ADGRB3: variants seen among roughly 807,000 people sequenced by gnomAD.
ADGRB3 encodes brain-specific angiogenesis inhibitor 3.
In ADGRB3, 37 loss-of-function variants were observed where a neutral mutation model predicts 193.4. The observed-to-expected ratio is 0.19, with a 90% CI of 0.15 to 0.25. ADGRB3 has a LOEUF of 0.25. Among genes scored for constraint, ADGRB3 ranks in the 10% least tolerant of loss-of-function variants. The pLI is 1.00. For missense variants in ADGRB3, 1,637 were observed against 1,852.9 expected (o/e 0.88, Z 2.14); for synonymous variants, 690 against 644.2 (o/e 1.07, Z -1.08).
chr6:69,154,263 A>T (rs994951144), intron 17 of ADGRB3, among the ~76,000 whole-genome samples: 1 of 152,178 alleles, frequency 6.6e-6, no homozygotes, highest in Admixed American at 6.5e-5. Flanking sequence ...CAATAATTGC[A>T]GTAGGAGACA....
intron 20 of ADGRB3, 109 bp from the exon 21 acceptor site, chr6:69,324,763 G>C: frequency 3.3e-6 from 4 of 1,225,532 alleles, no homozygotes; most frequent in Non-Finnish European, 3.4e-6. Flanking sequence ...AGGAGAAGTA[G>C]ATATTTGAAA....
At chr6:69,044,812 G>T (rs1019209058) in intron 13 of ADGRB3, among the ~76,000 whole-genome samples, 1 of 152,162 alleles carries the variant, frequency 6.6e-6, no homozygotes, top group African/African-American at 2.4e-5. Context: ...CAAGATGTGC[G>T]TATTTGTTCA....
chr6:68,739,253 A>G (rs976716149), intron 3 of ADGRB3, among the ~76,000 whole-genome samples: 1 of 152,166 alleles, frequency 6.6e-6, no homozygotes, highest in Non-Finnish European at 1.5e-5. Context: ...GAGTAAGGAA[A>G]GATCTTTGTA....
intron 5 of ADGRB3, among the ~76,000 whole-genome samples, chr6:68,941,634 A>G (rs1248139966): frequency 1.3e-5 from 2 of 151,974 alleles, no homozygotes; most frequent in Non-Finnish European, 1.5e-5. Context: ...TTAACTTTTT[A>G]TATAGGAGGA....
chr6:69,266,716 A>T (rs1417516487), intron 20 of ADGRB3, among the ~76,000 whole-genome samples: 1 of 152,092 alleles, frequency 6.6e-6, no homozygotes. Context: ...GTCTACCAAA[A>T]CAACAAACAG....
At chr6:68,993,022 T>G (rs2150274780) in intron 10 of ADGRB3, among the ~76,000 whole-genome samples, 1 of 152,264 alleles carries the variant, frequency 6.6e-6, no homozygotes, top group Non-Finnish European at 1.5e-5. Context: ...TTCTCTTACC[T>G]TACTATTCTT....
At chr6:68,816,872 C>A (rs1385295589) in intron 3 of ADGRB3, among the ~76,000 whole-genome samples, 1 of 152,066 alleles carries the variant, frequency 6.6e-6, no homozygotes, top group Non-Finnish European at 1.5e-5. Context: ...TCTCTCCAGA[C>A]TTCTTGCTGG....
chr6:69,157,051 G>A (rs549416469), intron 17 of ADGRB3, among the ~76,000 whole-genome samples: 1 of 152,274 alleles, frequency 6.6e-6, no homozygotes, highest in South Asian at 2.1e-4. Flanking sequence ...CATGCTGGAC[G>A]CAAACACCCT....
At chr6:68,945,887 C>T (rs1447650427) in intron 6 of ADGRB3, among the ~76,000 whole-genome samples, 2 of 152,066 alleles carry the variant, frequency 1.3e-5, no homozygotes, top group African/African-American at 4.8e-5. Context: ...TTTTAAGCTA[C>T]TTGGATATTA....
chr6:69,239,434 A>T (rs1766339353), intron 20 of ADGRB3, among the ~76,000 whole-genome samples: 1 of 151,962 alleles, frequency 6.6e-6, no homozygotes. Context: ...GTGGGTTGAG[A>T]GGTTGTTCAT....
chr6:68,862,948 G>A (rs576337052), intron 3 of ADGRB3, among the ~76,000 whole-genome samples: 48 of 152,066 alleles, frequency 3.2e-4, no homozygotes, highest in African/African-American at 1.1e-3. Flanking sequence ...TATAACTTTG[G>A]TATAGGTAAG....
chr6:69,325,776 C>A (rs1457198584), intron 21 of ADGRB3, among the ~76,000 whole-genome samples: 2 of 152,096 alleles, frequency 1.3e-5, no homozygotes, highest in Non-Finnish European at 2.9e-5. Flanking sequence ...TATAACAATT[C>A]CAGAATTATT....
At chr6:68,928,484 A>G (rs1322651580) in intron 3 of ADGRB3, among the ~76,000 whole-genome samples, 4 of 152,156 alleles carry the variant, frequency 2.6e-5, no homozygotes, top group Non-Finnish European at 5.9e-5. Flanking sequence ...ACAGTGAGCT[A>G]TGATTGCACC....
intron 3 of ADGRB3, among the ~76,000 whole-genome samples, chr6:68,894,868 T>C (rs550474177): frequency 6.6e-6 from 1 of 151,866 alleles, no homozygotes; most frequent in Admixed American, 6.6e-5. Context: ...GAATGAGCTA[T>C]TTTTTTAAAA....
At chr6:69,037,668 CCTGTCTCTCTTT>C (rs966498139) in intron 13 of ADGRB3, among the ~76,000 whole-genome samples, 6 of 151,616 alleles carry the variant, frequency 4.0e-5, no homozygotes, top group Non-Finnish European at 5.9e-5. Flanking sequence ...TCTCTCTCTG[CCTGTCTCTCTTT>C]CTGTCTCTCA....
At chr6:69,007,155 G>A (rs867139625) in intron 11 of ADGRB3, among the ~76,000 whole-genome samples, 3 of 152,230 alleles carry the variant, frequency 2.0e-5, no homozygotes, top group Admixed American at 6.5e-5. Flanking sequence ...GGCTAAGAAC[G>A]AAAGGCTGAC....
At chr6:69,287,884 A>T (rs1304911633) in intron 20 of ADGRB3, among the ~76,000 whole-genome samples, 2 of 152,192 alleles carry the variant, frequency 1.3e-5, no homozygotes, top group African/African-American at 4.8e-5. Flanking sequence ...TCTCAATAGC[A>T]GTCCTTCTTG....
intron 17 of ADGRB3, among the ~76,000 whole-genome samples, chr6:69,132,057 T>C (rs1435696814): frequency 1.3e-5 from 2 of 152,194 alleles, no homozygotes; most frequent in Non-Finnish European, 2.9e-5. Flanking sequence ...TCCAAGCCTT[T>C]GCTATTGTGA....
chr6:68,753,879 T>G (rs1372524559), intron 3 of ADGRB3, among the ~76,000 whole-genome samples: 1 of 152,158 alleles, frequency 6.6e-6, no homozygotes, highest in Non-Finnish European at 1.5e-5. Flanking sequence ...AGACTATTGA[T>G]ATGCAATTTT....
Sources: gnomAD v4.1 joint callset for allele counts (sites outside exome capture counted in the v4.1 genomes callset) on GRCh38, gnomAD v4.1.1 for gene constraint, MANE v1.5 for transcripts, NCBI Gene and HGNC (gene_info 2026-07-23, HGNC 2026-07-21) for gene names.